TMEM132D: variants seen among roughly 807,000 people sequenced by gnomAD.
TMEM132D encodes the protein transmembrane protein 132D, also known as mature OL transmembrane protein.
A neutral mutation model predicts 62.3 loss-of-function variants in TMEM132D; 21 were observed. The ratio of observed to expected loss-of-function variants is 0.34; its 90% confidence interval spans 0.24 to 0.49. The LOEUF (loss-of-function observed/expected upper bound fraction) is 0.49, where lower values mean the gene tolerates loss of function less well. Ranked by LOEUF, TMEM132D falls within the 20% of genes least tolerant of loss-of-function variation. The pLI is 0.99. For missense variants in TMEM132D, 1,346 were observed against 1,402.8 expected, an observed-to-expected ratio of 0.96 and a Z score of 0.65; for synonymous variants, 621 against 575.6, an observed-to-expected ratio of 1.08 and a Z score of -1.13.
chr12:129,818,854 G>C (rs1425641177), intron 1 of TMEM132D, among the ~76,000 whole-genome samples: 1 of 151,908 alleles, frequency 6.6e-6, no homozygotes, highest in Non-Finnish European at 1.5e-5. Flanking sequence ...GGGCAACATA[G>C]CGAGACCCTG....
At chr12:129,540,067 ATT>A (rs33998374) in intron 2 of TMEM132D, among the ~76,000 whole-genome samples, 32 of 151,304 alleles carry the variant, frequency 2.1e-4, no homozygotes, top group Non-Finnish European at 3.2e-4. Context: ...GTGGGCTTTT[ATT>A]TTTTTTTTTA....
intron 1 of TMEM132D, among the ~76,000 whole-genome samples, chr12:129,877,951 G>C (rs2137383215): frequency 6.6e-6 from 1 of 152,320 alleles, no homozygotes; most frequent in African/African-American, 2.4e-5. Context: ...GAGACCATCT[G>C]CATCCACAAG....
At chr12:129,171,218 C>A (rs944506858) in intron 5 of TMEM132D, among the ~76,000 whole-genome samples, 1 of 152,200 alleles carries the variant, frequency 6.6e-6, no homozygotes, top group East Asian at 1.9e-4. Context: ...AAACCACTTT[C>A]TTTGCTCATC....
At chr12:129,752,493 G>T (rs1468112931) in intron 1 of TMEM132D, among the ~76,000 whole-genome samples, 1 of 152,180 alleles carries the variant, frequency 6.6e-6, no homozygotes, top group Non-Finnish European at 1.5e-5. Context: ...ATGTCCACAT[G>T]AGCTCTGTCA....
chr12:129,324,423 A>G (rs1435301722), intron 4 of TMEM132D, among the ~76,000 whole-genome samples: 1 of 152,230 alleles, frequency 6.6e-6, no homozygotes, highest in East Asian at 1.9e-4. Context: ...CTCCACACAC[A>G]CAACACAGCT....
At chr12:129,091,000 C>T (rs971966671) in intron 5 of TMEM132D, among the ~76,000 whole-genome samples, 2 of 152,138 alleles carry the variant, frequency 1.3e-5, no homozygotes, top group East Asian at 1.9e-4. Flanking sequence ...GGGAGGGAGC[C>T]GTGTGTTTCC....
intron 3 of TMEM132D, among the ~76,000 whole-genome samples, chr12:129,444,133 T>C (rs534478282): frequency 2.4e-4 from 36 of 152,204 alleles, no homozygotes; most frequent in Middle Eastern, 3.4e-3. Context: ...AAGACTTAAA[T>C]GTAAAACCCA....
chr12:129,644,984 TAAAAAAAAAAAAA>T (rs749612311), intron 2 of TMEM132D, among the ~76,000 whole-genome samples: 2 of 63,404 alleles, frequency 3.2e-5, no homozygotes, highest in South Asian at 7.3e-4. Context: ...ATAGTCCATC[TAAAAAAAAAAAAA>T]AAAAAAAAAA....
At chr12:129,590,599 G>A (rs549998729) in intron 2 of TMEM132D, among the ~76,000 whole-genome samples, 3 of 152,260 alleles carry the variant, frequency 2.0e-5, no homozygotes, top group South Asian at 2.1e-4. Context: ...TGAGAAGATC[G>A]CTCAGAAGAA....
At chr12:129,305,401 C>G (rs964758329) in intron 4 of TMEM132D, among the ~76,000 whole-genome samples, 1 of 152,148 alleles carries the variant, frequency 6.6e-6, no homozygotes, top group Non-Finnish European at 1.5e-5. Flanking sequence ...ACTGCCTGTC[C>G]TGAGGCTTGG....
At chr12:129,419,684 G>C (rs193112581) in intron 3 of TMEM132D, among the ~76,000 whole-genome samples, 3 of 152,124 alleles carry the variant, frequency 2.0e-5, no homozygotes, top group South Asian at 2.1e-4. Flanking sequence ...ACAATGAAGA[G>C]AATACTAAAT....
At chr12:129,764,640 C>A (rs1036770496) in intron 1 of TMEM132D, among the ~76,000 whole-genome samples, 8 of 152,018 alleles carry the variant, frequency 5.3e-5, no homozygotes, top group Non-Finnish European at 1.0e-4. Flanking sequence ...CTGTTCATTG[C>A]CTCCTAATAA....
At chr12:129,506,116 G>A (rs527631672) in intron 3 of TMEM132D, among the ~76,000 whole-genome samples, 1 of 152,218 alleles carries the variant, frequency 6.6e-6, no homozygotes, top group East Asian at 1.9e-4. Flanking sequence ...TGTTTTATAA[G>A]TTCTGTGAGA....
chr12:129,457,016 G>T (rs7488795), intron 3 of TMEM132D, among the ~76,000 whole-genome samples: 148,299 of 151,884 alleles, frequency 0.98, 72,500 homozygotes, highest in Non-Finnish European at 1. Context: ...TTCGACCATT[G>T]TGGAAGTCAG....
chr12:129,648,386 A>G (rs1420958493), intron 2 of TMEM132D, among the ~76,000 whole-genome samples: 4 of 152,134 alleles, frequency 2.6e-5, no homozygotes, highest in Non-Finnish European at 4.4e-5. Context: ...TCTTTTAAAA[A>G]ACCCTAGCCT....
intron 1 of TMEM132D, among the ~76,000 whole-genome samples, chr12:129,767,645 T>A (rs1440713938): frequency 6.6e-6 from 1 of 152,202 alleles, no homozygotes; most frequent in East Asian, 1.9e-4. Flanking sequence ...CCCTCCATGA[T>A]CATCCATGTT....
At chr12:129,082,581 C>G (rs1874489033) in intron 6 of TMEM132D, among the ~76,000 whole-genome samples, 1 of 152,148 alleles carries the variant, frequency 6.6e-6, no homozygotes, top group Admixed American at 6.5e-5. Context: ...CACGAGTGAG[C>G]CTGCATGTAG....
chr12:129,731,022 T>A (rs573704477), intron 1 of TMEM132D, among the ~76,000 whole-genome samples: 2 of 152,184 alleles, frequency 1.3e-5, no homozygotes, highest in Non-Finnish European at 2.9e-5. Context: ...ATCCGCTTTA[T>A]ATATACATCT....
chr12:129,830,332 C>A (rs1365701879), intron 1 of TMEM132D, among the ~76,000 whole-genome samples: 1 of 152,062 alleles, frequency 6.6e-6, no homozygotes, highest in Non-Finnish European at 1.5e-5. Context: ...ATATCTTGGG[C>A]CCTCAAAATC....
Sources: allele counts gnomAD v4.1 joint callset (sites outside exome capture counted in the v4.1 genomes callset), GRCh38; gene constraint gnomAD v4.1.1; transcripts MANE v1.5; gene names NCBI Gene and HGNC (gene_info 2026-07-23, HGNC 2026-07-21).